Variants in CAMSAP2 observed in about 807,000 individuals in gnomAD.
CAMSAP2 encodes the protein calmodulin regulated spectrin associated protein family member 2, also known as calmodulin-regulated spectrin-associated protein 2.
A neutral mutation model predicts 146.1 loss-of-function variants in CAMSAP2; 26 were observed. The observed-to-expected ratio is 0.18, with a 90% CI of 0.13 to 0.25. The LOEUF (loss-of-function observed/expected upper bound fraction) is 0.25. Ranked by LOEUF, CAMSAP2 falls within the 10% of genes least tolerant of loss-of-function variation. The pLI is 1.00. For synonymous variants in CAMSAP2, 499 were observed against 596.6 expected (o/e 0.84, Z 2.38); for missense variants, 1,381 against 1,759.3 (o/e 0.78, Z 3.85).
chr1:200,787,152 A>T (rs1298053901), intron 2 of CAMSAP2, among the ~76,000 whole-genome samples: 5 of 152,206 alleles, frequency 3.3e-5, no homozygotes, highest in Non-Finnish European at 4.4e-5. Flanking sequence ...TCTGTGGCCC[A>T]TGGATCAGGG....
At chr1:200,785,434 G>A (rs1665559008) in intron 2 of CAMSAP2, among the ~76,000 whole-genome samples, 1 of 150,478 alleles carries the variant, frequency 6.6e-6, no homozygotes, top group African/African-American at 2.4e-5. Flanking sequence ...CTGTGCCCAG[G>A]CTGGAGTGCA....
chr1:200,840,722 G>A (rs553033178), intron 6 of CAMSAP2, among the ~76,000 whole-genome samples: 3 of 152,240 alleles, frequency 2.0e-5, no homozygotes, highest in African/African-American at 7.2e-5. Context: ...TTAGCAAGTA[G>A]GAAGAAGGCA....
intron 1 of CAMSAP2, among the ~76,000 whole-genome samples, chr1:200,744,693 A>G (rs80329163): frequency 0.084 from 12,793 of 152,236 alleles, 1,106 homozygotes; most frequent in East Asian, 0.35. Flanking sequence ...TTCCAGCCTC[A>G]TCAGTGGTCT....
intron 2 of CAMSAP2, among the ~76,000 whole-genome samples, chr1:200,792,660 G>A (rs988224142): frequency 2.6e-5 from 4 of 152,130 alleles, no homozygotes; most frequent in African/African-American, 4.8e-5. Context: ...CAGTAGGGGT[G>A]GGGGAGAAGA....
chr1:200,750,612 G>A (rs1664473479), intron 1 of CAMSAP2, among the ~76,000 whole-genome samples: 1 of 146,612 alleles, frequency 6.8e-6, no homozygotes, highest in Non-Finnish European at 1.5e-5. Flanking sequence ...GAAAGAGATA[G>A]ATAGATAGAT....
Position 200,853,389 on chromosome 1 carries a change from A to G in CAMSAP2, c.3717A>G (p.Thr1239=). The change falls in exon 13 of 17, where the codon ACA becomes ACG. Residue 1239 remains threonine, a synonymous_variant. Transcript: ENST00000358823. This position sits in a 1 kb window ranked among gnomAD's most constrained non-coding sequence, Gnocchi z 5.1. ...TGAAACTAATGGAAGATATGGATAC[A>G]GTAATTAAACCCCGTCCTCAAGTAG... ...KQLKLMEDMD[T]VIKPRPQVVK... The G allele has an allele frequency of 3.7e-6, 6 of 1,613,934 alleles. No individual in the cohort carries two copies. Among genetic ancestry groups the G allele is most frequent in the Non-Finnish European group, 4.2e-6 (5 of 1,179,864 alleles).
chr1:200,855,667 G>T (rs1667730576), intron 14 of CAMSAP2, among the ~76,000 whole-genome samples: 1 of 151,982 alleles, frequency 6.6e-6, no homozygotes, highest in Non-Finnish European at 1.5e-5. Context: ...CACGATCTCG[G>T]CTCACTGCAA....
Position 200,832,119 on chromosome 1 carries a change from C to A in CAMSAP2, c.646-81C>A. The A allele has an allele frequency of 9.5e-7, 1 of 1,057,650 alleles. No homozygotes were observed. Among genetic ancestry groups the A allele is most frequent in the Non-Finnish European group, 1.3e-6 (1 of 741,318 alleles). The allele number at this position is 1,057,650 out of a possible 1,614,324, so 65.5% of individuals were successfully genotyped here. ...CTCATGATTTATTTTATTACTGGTA[C>A]ATTAGAATTTACAGTACTGATTTTT... On this transcript the variant is annotated intron_variant, in intron 4 of 16. Transcript: ENST00000358823. The surrounding 1 kb of genome is among the most constrained non-coding windows in gnomAD (Gnocchi z 4.2).
At chr1:200,835,909 C>A (rs1667173164) in intron 6 of CAMSAP2, among the ~76,000 whole-genome samples, 1 of 152,114 alleles carries the variant, frequency 6.6e-6, no homozygotes, top group Non-Finnish European at 1.5e-5. Flanking sequence ...CCTTGGACTT[C>A]CAATACATAA....
Position 200,832,251 on chromosome 1 carries a change from T to C in CAMSAP2, c.697T>C (p.Leu233=). ...GCTTAAGCAACTGCCTTGCATTCCA[T>C]TGGTAGAAAATTTGTTGAAGGATGG... The part of the protein sequence containing the change: ...TLLKQLPCIP[L]VENLLKDGTD... The change falls in exon 5 of 17, where the codon TTG becomes CTG. Residue 233 remains leucine (L), a synonymous_variant. Coordinates refer to ENST00000358823, the MANE Select transcript of CAMSAP2 (RefSeq NM_203459.4). The surrounding 1 kb of genome is among the most constrained non-coding windows in gnomAD (Gnocchi z 4.2). The C allele has an allele frequency of 6.2e-7, 1 of 1,613,778 alleles. No individual in the cohort carries two copies. Among genetic ancestry groups the C allele is most frequent in the Non-Finnish European group, 8.5e-7 (1 of 1,179,778 alleles).
intron 4 of CAMSAP2, chr1:200,828,685 T>A (rs1056290183): frequency 7.8e-7 from 1 of 1,286,986 alleles, no homozygotes; most frequent in Non-Finnish European, 1.1e-6. Context: ...GCTGTTAAAG[T>A]CATTTCATGT....
At chr1:200,741,680 G>A (rs1369997500) in intron 1 of CAMSAP2, among the ~76,000 whole-genome samples, 3 of 152,166 alleles carry the variant, frequency 2.0e-5, no homozygotes, top group Admixed American at 6.5e-5. Flanking sequence ...GCTAGAAAAT[G>A]GCCTACTTTC....
chr1:200,814,131 C>CGGGGGGGGGGGGGGGCG (rs1325891199), intron 3 of CAMSAP2, among the ~76,000 whole-genome samples: 9 of 14,300 alleles, frequency 6.3e-4, no homozygotes, highest in African/African-American at 9.6e-4. Flanking sequence ...AAAAAGGTGG[C>CGGGGGGGGGGGGGGGCG]GGGGGGAGGG....
At chr1:200,852,443 C>T (rs1667645437) in intron 11 of CAMSAP2, 98 bp from the exon 12 acceptor site, 1 of 1,343,506 alleles carries the variant, frequency 7.4e-7, no homozygotes, top group Admixed American at 2.3e-5. Flanking sequence ...TTCAAACTTT[C>T]AGTTATAGGA....
chr1:200,789,526 G>A (rs1665690717), intron 2 of CAMSAP2, among the ~76,000 whole-genome samples: 1 of 152,124 alleles, frequency 6.6e-6, no homozygotes, highest in African/African-American at 2.4e-5. Flanking sequence ...TGATCTATTT[G>A]TTCTTTTGCC....
intron 1 of CAMSAP2, among the ~76,000 whole-genome samples, chr1:200,752,619 C>CTTT (rs770066342): frequency 1.4e-5 from 2 of 142,654 alleles, no homozygotes; most frequent in African/African-American, 2.6e-5. Context: ...GTCATGTCTC[C>CTTT]TTTTTTTTTT....
At chr1:200,822,046 T>A (rs1218293015) in intron 4 of CAMSAP2, among the ~76,000 whole-genome samples, 1 of 152,128 alleles carries the variant, frequency 6.6e-6, no homozygotes, top group East Asian at 1.9e-4. Flanking sequence ...TCAAACTCTG[T>A]TCAGATTCAT....
intron 4 of CAMSAP2, among the ~76,000 whole-genome samples, chr1:200,824,093 A>C (rs558334308): frequency 1.3e-5 from 2 of 152,282 alleles, no homozygotes; most frequent in South Asian, 4.1e-4. Context: ...GCACTACAGA[A>C]TGCTCCAGGC....
chr1:200,814,624 AAAAAAAAAAAC>A (rs889732198), intron 3 of CAMSAP2, among the ~76,000 whole-genome samples: 20 of 142,616 alleles, frequency 1.4e-4, no homozygotes, highest in African/African-American at 3.9e-4. Flanking sequence ...AAAAAAAAAA[AAAAAAAAAAAC>A]AAGAAGAAGA....
Sources: allele counts gnomAD v4.1 joint callset (sites outside exome capture counted in the v4.1 genomes callset), GRCh38; gene constraint gnomAD v4.1.1; non-coding constraint Gnocchi (gnomAD v3.1); transcripts MANE v1.5; gene names NCBI Gene and HGNC (gene_info 2026-07-23, HGNC 2026-07-21).